The following PLAGL1 variants were observed in gnomAD, a reference collection of about 807,000 sequenced individuals.
PLAGL1 encodes the protein PLAG1 like zinc finger 1.
PLAGL1 carries 1 observed loss-of-function variant against 4.6 expected under a neutral mutation model. That is an observed-to-expected ratio of 0.22 (90% CI 0.08 to 1.03). PLAGL1 has a LOEUF of 1.03. Among genes scored for constraint, PLAGL1 ranks in the 50% least tolerant of loss-of-function variants. The pLI is 0.58. For missense variants in PLAGL1, 464 were observed against 570.4 expected (o/e 0.81, Z 1.90); for synonymous variants, 240 against 237.8 (o/e 1.01, Z -0.08).
chr6:143,985,301 A>G lies in PLAGL1; in HGVS notation c.-583-127T>C, dbSNP rs1788761951. On this transcript the variant is annotated intron_variant, in intron 1 of 7. Coordinates refer to ENST00000674357, the MANE Select transcript of PLAGL1 (RefSeq NM_001317162.2). The surrounding 1 kb of genome is among the most constrained non-coding windows in gnomAD (Gnocchi z 4.4). ...GAGGCTTTACTCAGTCTCCCACAATAGTAACATTTCACAAAACAACAGTAC... is the reference window on the plus strand; with the variant it reads ...GAGGCTTTACTCAGTCTCCCACAATGGTAACATTTCACAAAACAACAGTAC... 1 of 152,234 alleles carries G rather than the reference A, an allele frequency of 6.6e-6. No individual in the cohort carries two copies. Among genetic ancestry groups the G allele is most frequent in the South Asian group, 2.1e-4 (1 of 4,834 alleles). 9.4% of individuals were successfully genotyped at this position (152,234 alleles called of 1,614,324 possible).
In PLAGL1 at chr6:144,032,712, C is replaced by A. The variant is rs564934826; in HGVS notation, c.-151+31756G>T. Among the ~76,000 whole-genome samples, 16 of 152,228 alleles carry A rather than the reference C, an allele frequency of 1.1e-4. No individual in the cohort carries two copies. In the South Asian group the frequency reaches 2.9e-3, roughly 28 times the overall value. ...AAGTAGCTGGGATTACAGGCGTATG[C>A]CAACACGCCTGGCTAATTTTTGTAT... On this transcript the variant is annotated intron_variant, in intron 1 of 3. Transcript: ENST00000437412.
At position 144,060,728 on chromosome 6, in the gene PLAGL1, T is replaced by C. The variant is rs373426503; in HGVS notation, c.-151+3740A>G. On this transcript the variant is annotated intron_variant, in intron 1 of 3. Transcript: ENST00000437412. ...CACTTTTCCATTCCAAATTACCCAT[T>C]ACCATTCTAATTAAAATTTGACCCA... 2.6e-5 allele frequency among the ~76,000 whole-genome samples: 4 copies of C among 152,306 alleles called. No individual in the cohort carries two copies. The South Asian group carries it at 8.3e-4, about 32-fold the overall frequency.
Position 143,962,918 on chromosome 6 carries a change from G to A in PLAGL1, c.-399+1869C>T, listed in dbSNP as rs1015298107. 2.0e-5 allele frequency among the ~76,000 whole-genome samples: 3 copies of A among 152,172 alleles called. No individual in the cohort carries two copies. Among genetic ancestry groups the A allele is most frequent in the Admixed American group, 6.5e-5 (1 of 15,274 alleles). ...AAGGTTTGTTTTTGAAAAGCCTCTC[G>A]AATATGTTTTATTTTATTTTCCAGA... On this transcript the variant is annotated intron_variant, in intron 5 of 7. Coordinates refer to ENST00000674357, the MANE Select transcript of PLAGL1 (RefSeq NM_001317162.2). The surrounding 1 kb of genome is among the most constrained non-coding windows in gnomAD (Gnocchi z 5.3).
In PLAGL1 at chr6:144,050,051, C is replaced by T. The variant is rs1798470040; in HGVS notation, c.-151+14417G>A. 6.6e-6 allele frequency among the ~76,000 whole-genome samples: 1 copy of T among 152,010 alleles called. No individual in the cohort carries two copies. Among genetic ancestry groups the T allele is most frequent in the Non-Finnish European group, 1.5e-5 (1 of 67,990 alleles). ...GGGTGAATGGGAGGGAAGCCATTCA[C>T]AATTTAGAGCCTCGGCTTTTTGAAT... On this transcript the variant is annotated intron_variant, in intron 1 of 3. Transcript: ENST00000437412. This position sits in a 1 kb window ranked among gnomAD's most constrained non-coding sequence, Gnocchi z 4.3.
chr6:143,951,650 T>C (rs759825622), intron 6 of PLAGL1, among the ~76,000 whole-genome samples: 6 of 152,262 alleles, frequency 3.9e-5, no homozygotes, highest in Non-Finnish European at 7.3e-5. Flanking sequence ...CATGCCTACA[T>C]TTCCCCTGAG....
intron 1 of PLAGL1, among the ~76,000 whole-genome samples, chr6:144,023,863 G>A (rs1345269208): frequency 3.9e-5 from 5 of 127,012 alleles, no homozygotes; most frequent in African/African-American, 6.0e-5. Flanking sequence ...TGCAACCTCC[G>A]CCTCCCAGGC....
Position 144,040,038 on chromosome 6 carries a change from AATG to A in PLAGL1, c.-151+24427_-151+24429del, listed in dbSNP as rs75037681. Among the ~76,000 whole-genome samples the A allele has an allele frequency of 8.6e-3, 1,306 of 152,322 alleles. 69 individuals are homozygous for A. The East Asian group carries it at 0.15, about 17-fold the overall frequency. On this transcript the variant is annotated intron_variant, in intron 1 of 3. Transcript: ENST00000437412. Reference sequence around the variant, plus strand: ...CTAAACATATACAAATGTCAGGGAAAATGATGAACAAGGTTAGAAAATGATTAA... The same window carrying A: ...CTAAACATATACAAATGTCAGGGAAAATGAACAAGGTTAGAAAATGATTAA...
chr6:144,058,418 G>A (rs754011645), intron 1 of PLAGL1, among the ~76,000 whole-genome samples: 1 of 152,094 alleles, frequency 6.6e-6, no homozygotes, highest in Non-Finnish European at 1.5e-5. Flanking sequence ...TTGGAGGGAC[G>A]AATTTTCAAA....
intron 1 of PLAGL1, among the ~76,000 whole-genome samples, chr6:144,047,288 T>C (rs1798237764): frequency 6.6e-6 from 1 of 152,194 alleles, no homozygotes; most frequent in Non-Finnish European, 1.5e-5. Flanking sequence ...TCGATCACAC[T>C]GGGAGCTGCA....
Position 144,016,397 on chromosome 6 carries a change from G to A in PLAGL1, c.-150-47419C>T, listed in dbSNP as rs1795567870. 6.6e-6 allele frequency among the ~76,000 whole-genome samples: 1 copy of A among 152,188 alleles called. No homozygotes were observed. Among genetic ancestry groups the A allele is most frequent in the South Asian group, 2.1e-4 (1 of 4,830 alleles). ...TGCCCACCAGATTAAGGGTGGATCT[G>A]CCTTCCCCAGACCACTGACTCAAAT... On this transcript the variant is annotated intron_variant, in intron 1 of 3. Coordinates refer to the PLAGL1 transcript ENST00000437412. This position sits in a 1 kb window ranked among gnomAD's most constrained non-coding sequence, Gnocchi z 4.2.
At position 143,942,627 on chromosome 6, in the gene PLAGL1, C is replaced by G; in HGVS notation, c.189G>C (p.Gln63His). Residue 63 changes from glutamine to histidine, a missense_variant, in exon 8 of 8, where the codon CAG (glutamine) becomes CAC (histidine). Physicochemically the swap from Gln to His is conservative, Grantham distance 24. Around this residue, in one of 4 missense-constraint regions of PLAGL1, gnomAD observed 161 missense variants for 196.7 expected, o/e 0.82. Coordinates refer to ENST00000674357, the MANE Select transcript of PLAGL1 (RefSeq NM_001317162.2). This position sits in a 1 kb window ranked among gnomAD's most constrained non-coding sequence, Gnocchi z 7.6. ...MATHSPQKSHQCAHCEKTFNR... is the reference protein window; with the variant it reads ...MATHSPQKSHHCAHCEKTFNR... ...TGAACGTCTTCTCACAGTGAGCACA[C>G]TGGTGAGATTTCTGGGGAGAATGGG... The G allele has an allele frequency of 6.2e-7, 1 of 1,613,814 alleles. No individual in the cohort carries two copies. Among genetic ancestry groups the G allele is most frequent in the East Asian group, 2.2e-5 (1 of 44,874 alleles).
At chr6:144,058,316 A>G (rs1799137534) in intron 1 of PLAGL1, among the ~76,000 whole-genome samples, 1 of 152,204 alleles carries the variant, frequency 6.6e-6, no homozygotes. Flanking sequence ...GGAAGATGGC[A>G]CTAAGCATTC....
Position 144,036,712 on chromosome 6 carries a change from G to T in PLAGL1, c.-151+27756C>A. 1 of 279,442 alleles carries T rather than the reference G, an allele frequency of 3.6e-6. No individual in the cohort carries two copies. The highest frequency in any genetic ancestry group is 3.3e-5 in the South Asian group (1 of 29,984). The allele number at this position is 279,442 out of a possible 1,614,324, so 17.3% of individuals were successfully genotyped here. A position where few individuals can be genotyped will look rare whatever the true frequency, so the allele number is the denominator to read the frequency against. ...AGGGACGAAAGAAAGAGGAAAGAATGGAAAAAGTGAAACTACAGAACAGAA... is the reference window on the plus strand; with the variant it reads ...AGGGACGAAAGAAAGAGGAAAGAATTGAAAAAGTGAAACTACAGAACAGAA... On this transcript the variant is annotated intron_variant, in intron 1 of 3. Coordinates refer to the PLAGL1 transcript ENST00000437412. This position sits in a 1 kb window ranked among gnomAD's most constrained non-coding sequence, Gnocchi z 5.1.
rs902719589 is a variant in PLAGL1, at chr6:143,979,907, G to A, written c.-544+5228C>T. Among the ~76,000 whole-genome samples, 1 of 151,984 alleles carries A rather than the reference G, an allele frequency of 6.6e-6. No homozygotes were observed. The highest frequency in any genetic ancestry group is 1.5e-5 in the Non-Finnish European group (1 of 67,930). On this transcript the variant is annotated intron_variant, in intron 2 of 7. Transcript: ENST00000674357. This position sits in a 1 kb window ranked among gnomAD's most constrained non-coding sequence, Gnocchi z 4.6. ...TAATTCTTTCAGCTTTAGTACATCT[G>A]AAAAAGTCTTTATTTCACCTGTTAT...
chr6:143,968,184 C>A lies in PLAGL1; in HGVS notation c.-472+723G>T, dbSNP rs909111157. On this transcript the variant is annotated intron_variant, in intron 3 of 7. Transcript: ENST00000674357. This position sits in a 1 kb window ranked among gnomAD's most constrained non-coding sequence, Gnocchi z 6.3. ...GAAATTTAAGGCTGGGATTTGGAAT[C>A]ATTATCTTGAAATAGGCAGTTCAAA... 1 of 152,082 alleles carries A rather than the reference C, an allele frequency of 6.6e-6. No individual in the cohort carries two copies. Among genetic ancestry groups the A allele is most frequent in the African/African-American group, 2.4e-5 (1 of 41,394 alleles). The allele number at this position is 152,082 out of a possible 1,614,324, so 9.4% of individuals were successfully genotyped here. A position where few individuals can be genotyped will look rare whatever the true frequency, so the allele number is the denominator to read the frequency against.
chr6:143,945,666 G>A lies in PLAGL1; in HGVS notation c.152+2319C>T, dbSNP rs765772687. ...AATTTTTTGTATTTTTAGTAGAGAC[G>A]GGGTTTCACCATGGTGGCCAGGATT... On this transcript the variant is annotated intron_variant, in intron 7 of 7. Transcript: ENST00000674357. The surrounding 1 kb of genome is among the most constrained non-coding windows in gnomAD (Gnocchi z 4.2). Among the ~76,000 whole-genome samples, 8 of 152,110 alleles carry A rather than the reference G, an allele frequency of 5.3e-5. No individual in the cohort carries two copies. The highest frequency in any genetic ancestry group is 8.8e-5 in the Non-Finnish European group (6 of 68,030).
In PLAGL1 at chr6:144,006,219, A is replaced by T. The variant is rs1202519974; in HGVS notation, c.-584+1871T>A. On this transcript the variant is annotated intron_variant, in intron 1 of 7. Coordinates refer to ENST00000674357, the MANE Select transcript of PLAGL1 (RefSeq NM_001317162.2). The surrounding 1 kb of genome is among the most constrained non-coding windows in gnomAD (Gnocchi z 4.3). ...TCCCTGAGCAAGATTTTTTTTTTCT[A>T]AAAAGAAGCCAGGAAATAAGAATAA... is the stretch of plus-strand genomic sequence containing the variant. 6.6e-6 allele frequency: 1 copy of T among 151,164 alleles called. No individual in the cohort carries two copies. Among genetic ancestry groups the T allele is most frequent in the Non-Finnish European group, 1.5e-5 (1 of 67,806 alleles). The allele number at this position is 151,164 out of a possible 1,614,324, so 9.4% of individuals were successfully genotyped here. A position where few individuals can be genotyped will look rare whatever the true frequency, so the allele number is the denominator to read the frequency against.
rs1384482008 is a variant in PLAGL1 at position 143,983,670 on chromosome 6, TGA to T, written c.-544+1463_-544+1464del. Among the ~76,000 whole-genome samples the T allele has an allele frequency of 6.6e-6, 1 of 151,862 alleles. No individual in the cohort carries two copies. Among genetic ancestry groups the T allele is most frequent in the Non-Finnish European group, 1.5e-5 (1 of 67,952 alleles). On this transcript the variant is annotated intron_variant, in intron 2 of 7. Transcript: ENST00000674357. This position sits in a 1 kb window ranked among gnomAD's most constrained non-coding sequence, Gnocchi z 6.6. Reference sequence around the variant, plus strand: ...AAGATGAGTGGATGAGTGATTTTAATGAGAGGGTAGGCTATTGACGTTGAGTA... The same window carrying T: ...AAGATGAGTGGATGAGTGATTTTAATGAGGGTAGGCTATTGACGTTGAGTA...
rs9496842 is a variant in PLAGL1 at position 144,027,234 on chromosome 6, C to T, written c.-151+37234G>A. ...GAAAGACCCCAACTCAAAGAACGAA[C>T]GAAAGAAAGAAAGAAAGAAAGAAAG... On this transcript the variant is annotated intron_variant, in intron 1 of 3. Coordinates refer to the PLAGL1 transcript ENST00000437412. This position sits in a 1 kb window ranked among gnomAD's most constrained non-coding sequence, Gnocchi z 5.8. 2.5e-4 allele frequency among the ~76,000 whole-genome samples: 28 copies of T among 111,550 alleles called. 1 individual carries two copies. Among genetic ancestry groups the T allele is most frequent in the African/African-American group, 9.8e-4 (26 of 26,532 alleles). 73.2% of individuals were successfully genotyped at this position (111,550 alleles called of 152,430 possible).
Sources: allele counts gnomAD v4.1 joint callset (sites outside exome capture counted in the v4.1 genomes callset), GRCh38; gene constraint gnomAD v4.1.1; regional missense constraint gnomAD v4.1.1; non-coding constraint Gnocchi (gnomAD v3.1); transcripts MANE v1.5; gene names NCBI Gene and HGNC (gene_info 2026-07-23, HGNC 2026-07-21).